PGBD5: variants seen among roughly 807,000 people sequenced by gnomAD.
PGBD5 encodes piggyBac transposable element derived 5, also known as piggyBac transposable element-derived protein 5.
A neutral mutation model predicts 47.9 loss-of-function variants in PGBD5; 14 were observed. The ratio of observed to expected loss-of-function variants is 0.29; its 90% CI spans 0.19 to 0.46. The LOEUF (loss-of-function observed/expected upper bound fraction) is 0.46, where lower values mean the gene tolerates loss of function less well. PGBD5 is among the 20% of genes least tolerant of loss of function. PGBD5 has a pLI of 1.00. For synonymous variants in PGBD5, 316 were observed against 306.3 expected (o/e 1.03, Z -0.33); for missense variants, 635 against 716.0 (o/e 0.89, Z 1.29).
chr1:230,422,117 T>A (rs1352891658), intron 1 of PGBD5, among the ~76,000 whole-genome samples: 1 of 151,768 alleles, frequency 6.6e-6, no homozygotes, highest in Non-Finnish European at 1.5e-5. Flanking sequence ...CACACAAATA[T>A]ATATATATAT....
intron 1 of PGBD5, among the ~76,000 whole-genome samples, chr1:230,402,507 G>T (rs193119684): frequency 1.3e-5 from 2 of 152,308 alleles, no homozygotes; most frequent in South Asian, 2.1e-4. Context: ...CTCACTGTTG[G>T]GGGAGGGGGC....
At chr1:230,415,561 G>A (rs1232280044) in intron 1 of PGBD5, among the ~76,000 whole-genome samples, 1 of 152,190 alleles carries the variant, frequency 6.6e-6, no homozygotes, top group East Asian at 1.9e-4. Flanking sequence ...CTGCTGCCTG[G>A]CAGAGATGAG....
intron 3 of PGBD5, among the ~76,000 whole-genome samples, chr1:230,346,866 G>T (rs1289743554): frequency 6.6e-6 from 1 of 152,046 alleles, no homozygotes; most frequent in South Asian, 2.1e-4. Flanking sequence ...GGCAGTGAGG[G>T]CTCCCTCTAT....
intron 1 of PGBD5, among the ~76,000 whole-genome samples, chr1:230,413,536 T>C (rs1215293854): frequency 6.6e-6 from 1 of 151,974 alleles, no homozygotes; most frequent in Admixed American, 6.6e-5. Flanking sequence ...AGGGAGGATG[T>C]GCAAAAACAG....
In PGBD5 at chr1:230,357,065, G is replaced by A. The variant is rs942988883; in HGVS notation, c.588C>T (p.Asn196=). Residue 196 remains asparagine (N), a synonymous_variant, in exon 2 of 7, where the codon AAC becomes AAT. Coordinates refer to ENST00000391860, the MANE Select transcript of PGBD5 (RefSeq NM_001258311.2). This position sits in a 1 kb window ranked among gnomAD's most constrained non-coding sequence, Gnocchi z 5.7. ...GGCTCATGACGAGGGCGAGGCTGCG[G>A]TTGCTGTAGAAGCCTCCGCTCCAGA... ...LSIWSGGFYS[N]RSLALVMSQA... is the part of the protein sequence containing the mutation. 6.2e-7 allele frequency: 1 copy of A among 1,614,204 alleles called. No homozygotes were observed.
At chr1:230,393,804 G>A (rs1232757668) in intron 1 of PGBD5, among the ~76,000 whole-genome samples, 2 of 132,220 alleles carry the variant, frequency 1.5e-5, no homozygotes, top group Non-Finnish European at 3.1e-5. Context: ...CCGCCTGGGC[G>A]ACAGAACGAG....
intron 3 of PGBD5, among the ~76,000 whole-genome samples, chr1:230,347,302 G>A (rs1371961871): frequency 6.6e-6 from 1 of 152,110 alleles, no homozygotes; most frequent in Non-Finnish European, 1.5e-5. Context: ...GGAAGAGGCA[G>A]AGGTATTTAT....
rs1274832448 is a variant in PGBD5, at chr1:230,321,898, C to T, written c.*1527G>A. 1 of 152,624 alleles carries T rather than the reference C, an allele frequency of 6.6e-6. No homozygotes were observed. The highest frequency in any genetic ancestry group is 1.5e-5 in the Non-Finnish European group (1 of 68,040). The allele number at this position is 152,624 out of a possible 1,614,324, so 9.5% of individuals were successfully genotyped here. On this transcript the variant is annotated 3_prime_UTR_variant, in exon 7 of 7. Transcript: ENST00000391860. Reference sequence around the variant, plus strand: ...TGGCCTGCAATCCGTGGCATCGATTCCAACCACAGGGCGGGGGAGTCACCA... The same window carrying T: ...TGGCCTGCAATCCGTGGCATCGATTTCAACCACAGGGCGGGGGAGTCACCA...
At position 230,315,943 on chromosome 1, in the gene PGBD5, TG is replaced by T. The variant is rs1666932948; in HGVS notation, c.*7481del. 1.6e-5 allele frequency: 2 copies of T among 123,172 alleles called. No individual in the cohort carries two copies. Among genetic ancestry groups the T allele is most frequent in the Non-Finnish European group, 3.6e-5 (2 of 55,672 alleles). The allele number at this position is 123,172 out of a possible 1,614,324, so 7.6% of individuals were successfully genotyped here. Reference sequence around the variant, plus strand: ...GTATATGTGTACACATATATGTATGTGTATACATACATAAGTATATGTGTAC... The same window carrying T: ...GTATATGTGTACACATATATGTATGTTATACATACATAAGTATATGTGTAC... On this transcript the variant is annotated 3_prime_UTR_variant, in exon 7 of 7. Coordinates refer to ENST00000391860, the MANE Select transcript of PGBD5 (RefSeq NM_001258311.2).
intron 1 of PGBD5, among the ~76,000 whole-genome samples, chr1:230,398,991 C>T (rs1178653883): frequency 1.3e-5 from 2 of 151,938 alleles, no homozygotes; most frequent in Non-Finnish European, 2.9e-5. Flanking sequence ...CCCGGCAGAA[C>T]CTTTTCCCCA....
chr1:230,426,073 G>T lies in PGBD5; in HGVS notation c.-145C>A. ...CCGCCCCGTGCCCGGCCGGCCCGCC[G>T]TCTTGGCCGCCTCGGGCCCAGCGCC... On this transcript the variant is annotated 5_prime_UTR_variant, in exon 1 of 7. Transcript: ENST00000391860. 3.7e-6 allele frequency: 1 copy of T among 266,916 alleles called. No individual in the cohort carries two copies. The highest frequency in any genetic ancestry group is 5.7e-6 in the Non-Finnish European group (1 of 176,374). 16.5% of individuals were successfully genotyped at this position (266,916 alleles called of 1,614,324 possible).
intron 1 of PGBD5, among the ~76,000 whole-genome samples, chr1:230,376,252 G>C (rs1185525065): frequency 6.6e-6 from 1 of 152,144 alleles, no homozygotes; most frequent in Non-Finnish European, 1.5e-5. Context: ...CTGGCAGGAG[G>C]CTGCTCCCTG....
At chr1:230,402,380 CTCT>C (rs770955558) in intron 1 of PGBD5, among the ~76,000 whole-genome samples, 43 of 152,234 alleles carry the variant, frequency 2.8e-4, no homozygotes, top group Admixed American at 3.9e-4. Flanking sequence ...GAGAAGCTAT[CTCT>C]ACAGACCCAA....
At chr1:230,371,470 T>C (rs778454312) in intron 1 of PGBD5, among the ~76,000 whole-genome samples, 51 of 152,136 alleles carry the variant, frequency 3.4e-4, no homozygotes, top group Non-Finnish European at 6.6e-4. Context: ...CTTGGAAGAA[T>C]TGAAGTCACA....
intron 4 of PGBD5, among the ~76,000 whole-genome samples, chr1:230,334,146 T>C (rs1667266041): frequency 1.3e-5 from 2 of 152,192 alleles, no homozygotes; most frequent in South Asian, 4.1e-4. Context: ...TCTTTTCCTC[T>C]TCCGAATTCC....
intron 1 of PGBD5, among the ~76,000 whole-genome samples, chr1:230,363,724 A>G (rs1667785203): frequency 6.6e-6 from 1 of 152,232 alleles, no homozygotes; most frequent in Admixed American, 6.5e-5. Context: ...TTTGTGATAT[A>G]GATAGAATCA....
chr1:230,414,146 G>C (rs1657468769), intron 1 of PGBD5, among the ~76,000 whole-genome samples: 1 of 152,160 alleles, frequency 6.6e-6, no homozygotes, highest in African/African-American at 2.4e-5. Context: ...GTACTTGGCT[G>C]AATGTCTCCT....
chr1:230,380,548 A>G (rs1250671440), intron 1 of PGBD5, among the ~76,000 whole-genome samples: 1 of 152,238 alleles, frequency 6.6e-6, no homozygotes, highest in Non-Finnish European at 1.5e-5. Flanking sequence ...AGTGGACATA[A>G]GCAACAGCCC....
Position 230,324,664 on chromosome 1 carries a change from A to C in PGBD5, c.1379+646T>G, listed in dbSNP as rs1667087708. 2.0e-5 allele frequency among the ~76,000 whole-genome samples: 3 copies of C among 152,176 alleles called. No homozygotes were observed. The South Asian group carries it at 6.2e-4, about 31-fold the overall frequency. ...TAAGGCTCAATCCCAGTAATTTAAT[A>C]GTTTCAATGTTCAATAGTCGTCATT... On this transcript the variant is annotated intron_variant, in intron 6 of 6. Transcript: ENST00000391860.
Sources: gnomAD v4.1 joint callset for allele counts (sites outside exome capture counted in the v4.1 genomes callset) on GRCh38, gnomAD v4.1.1 for gene constraint, Gnocchi (gnomAD v3.1) non-coding constraint, MANE v1.5 for transcripts, NCBI Gene and HGNC (gene_info 2026-07-23, HGNC 2026-07-21) for gene names.